Variants in OIP5 observed in about 807,000 individuals in gnomAD.
The protein encoded by OIP5 is Opa interacting protein 5, also known as protein Mis18-beta.
A neutral mutation model predicts 20.3 loss-of-function variants in OIP5; 24 were observed. The ratio of observed to expected loss-of-function variants is 1.18; its 90% CI spans 0.86 to 1.66. The LOEUF (loss-of-function observed/expected upper bound fraction) is 1.66, where lower values mean the gene tolerates loss of function less well. OIP5 is among the 40% of genes most tolerant of loss of function. The probability of loss-of-function intolerance (pLI) is 0.00; values close to 1 mark genes in which losing one functional copy is unlikely to be tolerated. For synonymous variants in OIP5, 143 were observed against 121.3 expected (o/e 1.18, Z -1.17); for missense variants, 339 against 289.5 (o/e 1.17, Z -1.24).
At chr15:41,319,291 G>A (rs1385377014) in intron 3 of OIP5, among the ~76,000 whole-genome samples, 2 of 150,984 alleles carry the variant, frequency 1.3e-5, no homozygotes, top group African/African-American at 4.9e-5. Flanking sequence ...CCAGGCTGGA[G>A]TGCAGTGGCG....
chr15:41,323,985 CTT>C (rs869073906), intron 2 of OIP5, among the ~76,000 whole-genome samples: 17 of 107,036 alleles, frequency 1.6e-4, no homozygotes, highest in African/African-American at 4.6e-4. Flanking sequence ...CCAACCTCTG[CTT>C]TTTTTTTTTT....
At chr15:41,311,272 T>C (rs2140457428) in intron 4 of OIP5, among the ~76,000 whole-genome samples, 1 of 152,246 alleles carries the variant, frequency 6.6e-6, no homozygotes, top group Non-Finnish European at 1.5e-5. Context: ...TCCCAGGTAC[T>C]CAGGAGGCTT....
At chr15:41,331,369 G>A (rs2047908873) in intron 2 of OIP5, among the ~76,000 whole-genome samples, 1 of 152,060 alleles carries the variant, frequency 6.6e-6, no homozygotes, top group Non-Finnish European at 1.5e-5. Context: ...AACCATAATC[G>A]CAAACTTAAA....
chr15:41,328,320 A>G (rs372214588), intron 2 of OIP5, among the ~76,000 whole-genome samples: 3 of 152,346 alleles, frequency 2.0e-5, no homozygotes, highest in South Asian at 2.1e-4. Flanking sequence ...TGATAAGCCA[A>G]CTATGATTTT....
rs758310490 is a variant in OIP5 at position 41,313,352 on chromosome 15, T to C, written c.515A>G (p.Tyr172Cys). The C allele has an allele frequency of 5.1e-6, 8 of 1,567,576 alleles. No homozygotes were observed. The highest frequency in any genetic ancestry group is 1.7e-4 in the Middle Eastern group (1 of 5,956). ...TACTATGGCTTTTGTTTTTAAGAGA[T>C]AGCTAGATAGGAAAAAAGAAAAATA... is the stretch of plus-strand genomic sequence containing the variant. ...FCLSSDKMVC[Y>C]LLKTKAIVNA... is the part of the protein sequence containing the mutation. Residue 172 changes from tyrosine to cysteine, a missense_variant and splice_region_variant, in exon 4 of 5, where the codon TAT (tyrosine) becomes TGT (cysteine). Tyr to Cys is a radical substitution (Grantham distance 194). Coordinates refer to ENST00000220514, the MANE Select transcript of OIP5 (RefSeq NM_007280.2).
Position 41,331,913 on chromosome 15 carries a change from A to C in OIP5, c.389+2T>G. On this transcript the variant is annotated splice_donor_variant, in intron 2 of 4. Transcript: ENST00000220514. LOFTEE classifies it high-confidence loss of function. ...GAGACCAATGTAATTATCAATACGT[A>C]CCTGCCTTTGAGTGAACCTTCAATG... is the stretch of plus-strand genomic sequence containing the variant. 6.2e-7 allele frequency: 1 copy of C among 1,613,088 alleles called. No individual in the cohort carries two copies. Among genetic ancestry groups the C allele is most frequent in the Non-Finnish European group, 8.5e-7 (1 of 1,179,110 alleles).
chr15:41,332,393 C>T lies in OIP5; in HGVS notation c.169G>A (p.Ala57Thr), dbSNP rs142040983. ...TGCGGGCCGGCGGCTGGCTCCTCAGCCCCCAGCCCTGCGGGGCCGAGCGGC... is the reference window on the plus strand; with the variant it reads ...TGCGGGCCGGCGGCTGGCTCCTCAGTCCCCAGCCCTGCGGGGCCGAGCGGC... ...SSPLGPAGLG[A>T]EEPAAGPQLP... The change falls in exon 1 of 5, where the codon GCT (alanine) becomes ACT (threonine). Residue 57 changes from alanine to threonine, a missense_variant. Ala to Thr is a moderately conservative substitution (Grantham distance 58). Coordinates refer to ENST00000220514, the MANE Select transcript of OIP5 (RefSeq NM_007280.2). 1,148 of 1,613,474 alleles carry T rather than the reference C, an allele frequency of 7.1e-4. 6 individuals carry two copies. In the African/African-American group the frequency reaches 0.014, roughly 19 times the overall value.
chr15:41,320,010 G>A (rs1485344704), intron 2 of OIP5, among the ~76,000 whole-genome samples: 1 of 152,100 alleles, frequency 6.6e-6, no homozygotes, highest in African/African-American at 2.4e-5. Flanking sequence ...AATCATGGAT[G>A]TATAATTGTC....
At chr15:41,326,044 C>A (rs1210036630) in intron 2 of OIP5, among the ~76,000 whole-genome samples, 1 of 152,108 alleles carries the variant, frequency 6.6e-6, no homozygotes, top group Non-Finnish European at 1.5e-5. Context: ...CACCTGTCAT[C>A]CCAGCTACTA....
In OIP5 at chr15:41,310,625, T is replaced by C. The variant is rs560594284; in HGVS notation, c.595-776A>G. ...GCCTGGGTGACAGAGCGAGACTCCG[T>C]CTCAAAAAAAAAAAAAAAAAAGATC... On this transcript the variant is annotated intron_variant, in intron 4 of 4. Transcript: ENST00000220514. Among the ~76,000 whole-genome samples, 8 of 139,566 alleles carry C rather than the reference T, an allele frequency of 5.7e-5. No homozygotes were observed. The East Asian group carries it at 1.7e-3, about 29-fold the overall frequency. The allele number at this position is 139,566 out of a possible 152,430, so 91.6% of individuals were successfully genotyped here.
chr15:41,332,499 A>G lies in OIP5; in HGVS notation c.63T>C (p.Cys21=). The change falls in exon 1 of 5, where the codon TGT becomes TGC. Residue 21 remains cysteine, a synonymous_variant. Coordinates refer to ENST00000220514, the MANE Select transcript of OIP5 (RefSeq NM_007280.2). ...GGTCAATCGCCCTCTCAGTGCCACC[A>G]CAAAAGTCCCCCCGGGGCGGCGTTG... ...RCATPPRGDF[C]GGTERAIDQA... The G allele has an allele frequency of 2.5e-6, 4 of 1,613,904 alleles. No homozygotes were observed. Among genetic ancestry groups the G allele is most frequent in the Non-Finnish European group, 2.5e-6 (3 of 1,179,880 alleles).
At chr15:41,330,721 A>G (rs2047894883) in intron 2 of OIP5, among the ~76,000 whole-genome samples, 1 of 152,168 alleles carries the variant, frequency 6.6e-6, no homozygotes, top group South Asian at 2.1e-4. Flanking sequence ...GTATTTGTAA[A>G]TGATTAATTT....
At chr15:41,323,217 G>A (rs956215947) in intron 2 of OIP5, among the ~76,000 whole-genome samples, 9 of 151,950 alleles carry the variant, frequency 5.9e-5, no homozygotes, top group South Asian at 2.1e-4. Flanking sequence ...CCATTCGGGC[G>A]CAATGGCTCA....
At chr15:41,331,504 G>T (rs935666759) in intron 2 of OIP5, among the ~76,000 whole-genome samples, 1 of 152,214 alleles carries the variant, frequency 6.6e-6, no homozygotes, top group African/African-American at 2.4e-5. Context: ...AGGATAGCTT[G>T]AGCCAGGAAG....
chr15:41,316,877 C>A (rs879382852), intron 3 of OIP5, among the ~76,000 whole-genome samples: 11 of 151,384 alleles, frequency 7.3e-5, no homozygotes, highest in Non-Finnish European at 1.6e-4. Flanking sequence ...AAGACATGCT[C>A]AAATCTCAGC....
At chr15:41,312,652 CAG>C (rs1403090291) in intron 4 of OIP5, among the ~76,000 whole-genome samples, 4 of 137,932 alleles carry the variant, frequency 2.9e-5, no homozygotes, top group African/African-American at 5.6e-5. Context: ...TTTTTTGAGA[CAG>C]AGTCTTGCTC....
intron 2 of OIP5, among the ~76,000 whole-genome samples, chr15:41,321,334 G>A (rs1454609763): frequency 9.3e-5 from 14 of 150,644 alleles, no homozygotes; most frequent in African/African-American, 2.9e-4. Flanking sequence ...CAGCCGCCCC[G>A]TCCGCGAGGT....
chr15:41,317,405 G>C (rs1046468260), intron 3 of OIP5, among the ~76,000 whole-genome samples: 21 of 147,292 alleles, frequency 1.4e-4, no homozygotes, highest in African/African-American at 5.0e-4. Context: ...TTTTGAGACA[G>C]AGTCTCGCTC....
At position 41,309,700 on chromosome 15, in the gene OIP5, G is replaced by A. The variant is rs1162700716; in HGVS notation, c.*54C>T. On this transcript the variant is annotated 3_prime_UTR_variant, in exon 5 of 5. Coordinates refer to ENST00000220514, the MANE Select transcript of OIP5 (RefSeq NM_007280.2). ...TTCAAGAAATGACTAAGCAGCACCTGTTGTTGAAGACAGCAATAAAGCCTG... is the reference window on the plus strand; with the variant it reads ...TTCAAGAAATGACTAAGCAGCACCTATTGTTGAAGACAGCAATAAAGCCTG... 3 of 1,149,860 alleles carry A rather than the reference G, an allele frequency of 2.6e-6. No homozygotes were observed. The highest frequency in any genetic ancestry group is 3.9e-5 in the Admixed American group (2 of 51,792). The allele number at this position is 1,149,860 out of a possible 1,614,324, so 71.2% of individuals were successfully genotyped here.
Sources: gnomAD v4.1 joint callset for allele counts (sites outside exome capture counted in the v4.1 genomes callset) on GRCh38, gnomAD v4.1.1 for gene constraint, MANE v1.5 for transcripts, NCBI Gene and HGNC (gene_info 2026-07-23, HGNC 2026-07-21) for gene names.